Variants in SNX6 observed in about 807,000 individuals in gnomAD.
The protein encoded by SNX6 is sorting nexin 6, also known as sorting nexin-6.
A neutral mutation model predicts 63.0 loss-of-function variants in SNX6; 34 were observed. That is an observed-to-expected ratio of 0.54 (90% CI 0.41 to 0.72). SNX6 has a LOEUF of 0.72. Ranked by LOEUF, SNX6 falls within the 30% of genes least tolerant of loss-of-function variation. SNX6 has a pLI of 0.00. For missense variants in SNX6, 398 were observed against 471.4 expected, an observed-to-expected ratio of 0.84 and a Z score of 1.44; for synonymous variants, 170 against 164.2, an observed-to-expected ratio of 1.04 and a Z score of -0.27.
At chr14:34,598,826 A>G in intron 6 of SNX6, among the ~76,000 whole-genome samples, 1 of 152,154 alleles carries the variant, frequency 6.6e-6, no homozygotes, top group Admixed American at 6.6e-5. Flanking sequence ...TGAGGCTGCA[A>G]TGTGCTACAA....
intron 3 of SNX6, among the ~76,000 whole-genome samples, chr14:34,608,673 TCAAA>T (rs1883110382): frequency 6.6e-6 from 1 of 152,094 alleles, no homozygotes; most frequent in African/African-American, 2.4e-5. Context: ...ACTCAACTAT[TCAAA>T]CAAAGGAAAG....
chr14:34,607,371 C>T (rs928804148), intron 4 of SNX6, among the ~76,000 whole-genome samples: 4 of 151,860 alleles, frequency 2.6e-5, no homozygotes, highest in African/African-American at 7.3e-5. Flanking sequence ...TTTGGGAGGC[C>T]GAGGCAGGGG....
chr14:34,577,887 T>C (rs1249889397), intron 10 of SNX6, among the ~76,000 whole-genome samples: 1 of 152,118 alleles, frequency 6.6e-6, no homozygotes, highest in Non-Finnish European at 1.5e-5. Flanking sequence ...TTTTGGAATG[T>C]AAGAACTTTA....
chr14:34,575,111 C>T (rs1007219573), intron 11 of SNX6, among the ~76,000 whole-genome samples: 6 of 149,680 alleles, frequency 4.0e-5, no homozygotes, highest in Non-Finnish European at 8.9e-5. Flanking sequence ...AGGGTGGTCT[C>T]GAACTCCTGA....
rs1387646846 is a variant in SNX6, at chr14:34,609,649, C to G, written c.148G>C (p.Val50Leu). 6.2e-7 allele frequency: 1 copy of G among 1,602,082 alleles called. No homozygotes were observed. The change falls in exon 3 of 14, where the codon GTT (valine) becomes CTT (leucine). Residue 50 changes from valine (V) to leucine (L), a missense_variant. Val to Leu is a conservative substitution (Grantham distance 32, BLOSUM62 1). Transcript: ENST00000362031. ...AAAATCACATTTACCTTTGTGTGAACAGTGAATTTTACTTTATCCCGCTCA... is the reference window on the plus strand; with the variant it reads ...AAAATCACATTTACCTTTGTGTGAAGAGTGAATTTTACTTTATCCCGCTCA... The part of the protein sequence containing the change: ...LSERDKVKFT[V>L]HTKSSLPNFK...
intron 6 of SNX6, among the ~76,000 whole-genome samples, chr14:34,600,422 G>C (rs550197869): frequency 6.6e-6 from 1 of 151,572 alleles, no homozygotes; most frequent in South Asian, 2.1e-4. Flanking sequence ...ACCGCACCCG[G>C]CATTTTTCTT....
chr14:34,617,071 G>T (rs1464414235), intron 2 of SNX6, among the ~76,000 whole-genome samples: 6 of 152,138 alleles, frequency 3.9e-5, no homozygotes, highest in South Asian at 4.1e-4. Context: ...AAGAGAGCAA[G>T]ACTGTCTCGG....
rs190450487 is a variant in SNX6 at position 34,581,077 on chromosome 14, T to C, written c.834+484A>G. Among the ~76,000 whole-genome samples, 369 of 152,316 alleles carry C rather than the reference T, an allele frequency of 2.4e-3. 5 individuals carry two copies. The highest frequency in any genetic ancestry group is 1.2e-3 in the Non-Finnish European group (84 of 68,028). ...TCTGAAGTACACTCATCTTCCTCAATAGAGTTAAACAGAACCATAGCAAGT... is the reference window on the plus strand; with the variant it reads ...TCTGAAGTACACTCATCTTCCTCAACAGAGTTAAACAGAACCATAGCAAGT... On this transcript the variant is annotated intron_variant, in intron 10 of 13. Coordinates refer to ENST00000362031, the MANE Select transcript of SNX6 (RefSeq NM_152233.4).
At chr14:34,570,874 C>T (rs1332939376) in intron 11 of SNX6, among the ~76,000 whole-genome samples, 1 of 151,488 alleles carries the variant, frequency 6.6e-6, no homozygotes. Flanking sequence ...CAGGCGCCCA[C>T]CACCACGCCC....
intron 2 of SNX6, among the ~76,000 whole-genome samples, chr14:34,627,893 T>G (rs960506841): frequency 6.6e-6 from 1 of 152,164 alleles, no homozygotes; most frequent in African/African-American, 2.4e-5. Context: ...AATGCTGGGA[T>G]TAAAGGTGTG....
At chr14:34,565,615 C>T (rs1476261593) in intron 13 of SNX6, among the ~76,000 whole-genome samples, 3 of 152,118 alleles carry the variant, frequency 2.0e-5, no homozygotes, top group Non-Finnish European at 4.4e-5. Flanking sequence ...CTCCCGGGTT[C>T]GAGCGATCGT....
At chr14:34,575,255 A>G (rs1014067710) in intron 11 of SNX6, among the ~76,000 whole-genome samples, 3 of 144,894 alleles carry the variant, frequency 2.1e-5, no homozygotes, top group African/African-American at 7.8e-5. Flanking sequence ...CTGGAGTGCA[A>G]TGGCACGCGA....
chr14:34,572,658 T>C (rs1217648080), intron 11 of SNX6, among the ~76,000 whole-genome samples: 1 of 152,044 alleles, frequency 6.6e-6, no homozygotes, highest in Non-Finnish European at 1.5e-5. Context: ...TTCAGTGCTT[T>C]TCAGTTATTT....
intron 8 of SNX6, among the ~76,000 whole-genome samples, chr14:34,592,468 T>A (rs1354799212): frequency 6.6e-6 from 1 of 152,174 alleles, no homozygotes; most frequent in South Asian, 2.1e-4. Flanking sequence ...TTGATTTGTA[T>A]GTAATTACGC....
At chr14:34,593,253 A>C in intron 7 of SNX6, 103 bp from the exon 8 acceptor site, 2 of 672,616 alleles carry the variant, frequency 3.0e-6, no homozygotes, top group South Asian at 4.2e-5. Flanking sequence ...GTAAAATAGC[A>C]TACCTATCCT....
chr14:34,599,652 T>C (rs947575220), intron 6 of SNX6, among the ~76,000 whole-genome samples: 14 of 151,082 alleles, frequency 9.3e-5, no homozygotes, highest in Admixed American at 3.3e-4. Context: ...AATGTGCCTG[T>C]AATCCCAGCT....
At chr14:34,611,409 G>A (rs1194485844) in intron 2 of SNX6, among the ~76,000 whole-genome samples, 1 of 150,860 alleles carries the variant, frequency 6.6e-6, no homozygotes, top group Non-Finnish European at 1.5e-5. Context: ...CCCAAGAGGT[G>A]GAGGTTGCAG....
chr14:34,581,794 T>C (rs1196604418), intron 9 of SNX6, among the ~76,000 whole-genome samples, 194 bp from the exon 10 acceptor site: 1 of 152,184 alleles, frequency 6.6e-6, no homozygotes, highest in East Asian at 1.9e-4. Context: ...ACTGATTACT[T>C]GAAATCTGTT....
intron 10 of SNX6, 74 bp downstream of exon 10, chr14:34,581,487 G>A (rs1594707658): frequency 2.3e-6 from 2 of 887,192 alleles, no homozygotes; most frequent in Admixed American, 2.3e-5. Context: ...TTTCTGAATT[G>A]TGGTAAAAAC....
Sources: allele counts gnomAD v4.1 joint callset (sites outside exome capture counted in the v4.1 genomes callset), GRCh38; gene constraint gnomAD v4.1.1; transcripts MANE v1.5; gene names NCBI Gene and HGNC (gene_info 2026-07-23, HGNC 2026-07-21).